The following CACNA2D4 variants were observed in gnomAD, a reference collection of about 807,000 sequenced individuals.
CACNA2D4 encodes voltage-dependent calcium channel subunit alpha-2/delta-4.
In CACNA2D4, 157 loss-of-function variants were observed where a neutral mutation model predicts 163.8. That is an observed-to-expected ratio of 0.96 (90% CI 0.84 to 1.09). The LOEUF is 1.09. Among genes scored for constraint, CACNA2D4 ranks in the 50% least tolerant of loss-of-function variants. The pLI is 0.00. For missense variants in CACNA2D4, 1,410 were observed against 1,479.9 expected, an observed-to-expected ratio of 0.95 and a Z score of 0.78; for synonymous variants, 598 against 586.9, an observed-to-expected ratio of 1.02 and a Z score of -0.27.
At position 1,830,467 on chromosome 12, in the gene CACNA2D4, G is replaced by A. The variant is rs150960926; in HGVS notation, c.2551+10272C>T. On this transcript the variant is annotated intron_variant, in intron 26 of 37. Coordinates refer to ENST00000382722, the MANE Select transcript of CACNA2D4 (RefSeq NM_172364.5). ...CCAGCAGCCTGGCCATTTTCCCTGG[G>A]AAACAAACTCTGTCCCAGCAGTGAC... 4.5e-3 allele frequency among the ~76,000 whole-genome samples: 685 copies of A among 152,308 alleles called. 3 individuals carry two copies. Among genetic ancestry groups the A allele is most frequent in the Middle Eastern group, 0.014 (4 of 294 alleles).
At chr12:1,912,964 C>T in intron 3 of CACNA2D4, 59 bp downstream of exon 3, 1 of 1,093,970 alleles carries the variant, frequency 9.1e-7, no homozygotes, top group Non-Finnish European at 1.4e-6. Context: ...GAGGGTCACT[C>T]TGCCACCTGC....
intron 10 of CACNA2D4, 46 bp from the exon 11 acceptor site, chr12:1,884,927 C>A: frequency 6.2e-7 from 1 of 1,601,368 alleles, no homozygotes; most frequent in East Asian, 2.2e-5. Flanking sequence ...CAAGCCCACC[C>A]CCCTCCACCT....
rs1214062225 is a variant in CACNA2D4, at chr12:1,875,671, C to T, written c.1720-334G>A. On this transcript the variant is annotated intron_variant, in intron 16 of 37. Coordinates refer to ENST00000382722, the MANE Select transcript of CACNA2D4 (RefSeq NM_172364.5). This position sits in a 1 kb window ranked among gnomAD's most constrained non-coding sequence, Gnocchi z 4.0. ...AAAGCTGAAATCCATCTCCCTGTTACTTCCATCCACTGATCTTCCTTCTTT... is the reference window on the plus strand; with the variant it reads ...AAAGCTGAAATCCATCTCCCTGTTATTTCCATCCACTGATCTTCCTTCTTT... 1.3e-5 allele frequency among the ~76,000 whole-genome samples: 2 copies of T among 152,202 alleles called. No individual in the cohort carries two copies. Among genetic ancestry groups the T allele is most frequent in the Non-Finnish European group, 1.5e-5 (1 of 68,022 alleles).
At chr12:1,814,390 C>A (rs1034857588) in intron 26 of CACNA2D4, among the ~76,000 whole-genome samples, 2 of 152,142 alleles carry the variant, frequency 1.3e-5, no homozygotes, top group Non-Finnish European at 2.9e-5. Flanking sequence ...GTGTCCTTTG[C>A]GAAATTTAGG....
At position 1,820,828 on chromosome 12, in the gene CACNA2D4, G is replaced by A. The variant is rs1176449392; in HGVS notation, c.2552-9105C>T. 1 of 152,368 alleles carries A rather than the reference G, an allele frequency of 6.6e-6. No homozygotes were observed. Among genetic ancestry groups the A allele is most frequent in the Non-Finnish European group, 1.5e-5 (1 of 68,130 alleles). 9.4% of individuals were successfully genotyped at this position (152,368 alleles called of 1,614,324 possible). A position where few individuals can be genotyped will look rare whatever the true frequency, so the allele number is the denominator to read the frequency against. ...GAGTAAAGACGGGTGAGTACCGAGTGGCTGGTAGGAAGGAATGGAGGGTTG... is the reference window on the plus strand; with the variant it reads ...GAGTAAAGACGGGTGAGTACCGAGTAGCTGGTAGGAAGGAATGGAGGGTTG... On this transcript the variant is annotated intron_variant, in intron 26 of 37. Transcript: ENST00000382722. The surrounding 1 kb of genome is among the most constrained non-coding windows in gnomAD (Gnocchi z 6.0).
chr12:1,800,500 CA>C, intron 31 of CACNA2D4, 62 bp from the exon 32 acceptor site: 32 of 1,481,056 alleles, frequency 2.2e-5, no homozygotes, highest in South Asian at 4.6e-5. Context: ...GCCCCCCCCC[CA>C]CCACCAGCAC....
chr12:1,905,456 C>G (rs1866636630), intron 6 of CACNA2D4, among the ~76,000 whole-genome samples: 1 of 151,944 alleles, frequency 6.6e-6, no homozygotes, highest in African/African-American at 2.4e-5. Context: ...GTAGAATGCC[C>G]TAAAGATTCC....
chr12:1,887,354 G>A (rs752569541), intron 6 of CACNA2D4, among the ~76,000 whole-genome samples: 3 of 152,266 alleles, frequency 2.0e-5, no homozygotes, highest in Non-Finnish European at 4.4e-5. Flanking sequence ...ATATCAAATA[G>A]TGGAGGGGGA....
chr12:1,835,420 A>ACAC (rs1864815317), intron 26 of CACNA2D4: 1 of 150,394 alleles, frequency 6.6e-6, no homozygotes, highest in African/African-American at 2.5e-5. Flanking sequence ...TGAAAGAATT[A>ACAC]ATACACACAC....
rs1197891618 is a variant in CACNA2D4, at chr12:1,880,284, T to C, written c.1486-403A>G. Among the ~76,000 whole-genome samples the C allele has an allele frequency of 2.6e-5, 4 of 152,222 alleles. No individual in the cohort carries two copies. The East Asian group carries it at 7.7e-4, about 29-fold the overall frequency. On this transcript the variant is annotated intron_variant, in intron 13 of 37. Coordinates refer to ENST00000382722, the MANE Select transcript of CACNA2D4 (RefSeq NM_172364.5). ...ACGAGCTTTCCAGAAACCTCTGATA[T>C]GGACTTAAGGTTGCTACAGGTGAGA...
At position 1,885,018 on chromosome 12, in the gene CACNA2D4, G is replaced by T; in HGVS notation, c.1127C>A (p.Ala376Asp). The change falls in exon 10 of 38, where the codon GCC becomes GAC. Residue 376 changes from alanine (A) to aspartate (D), a missense_variant. By Grantham distance (126) the Ala-to-Asp change is moderately radical. Coordinates refer to ENST00000382722, the MANE Select transcript of CACNA2D4 (RefSeq NM_172364.5). ...MVKGVGVVDQALREAFQILKQ... is the reference protein window; with the variant it reads ...MVKGVGVVDQDLREAFQILKQ... Reference sequence around the variant, plus strand: ...CAGGATCTGGAAGGCTTCTCTCAGGGCTTGGTCCACGACCCCCACACCTTT... The same window carrying T: ...CAGGATCTGGAAGGCTTCTCTCAGGTCTTGGTCCACGACCCCCACACCTTT... 6.2e-7 allele frequency: 1 copy of T among 1,613,880 alleles called. No homozygotes were observed. The highest frequency in any genetic ancestry group is 8.5e-7 in the Non-Finnish European group (1 of 1,179,824).
Position 1,843,316 on chromosome 12 carries a change from C to A in CACNA2D4, c.2470+1086G>T, listed in dbSNP as rs996274117. On this transcript the variant is annotated intron_variant, in intron 25 of 37. Coordinates refer to ENST00000382722, the MANE Select transcript of CACNA2D4 (RefSeq NM_172364.5). This position sits in a 1 kb window ranked among gnomAD's most constrained non-coding sequence, Gnocchi z 4.6. Reference sequence around the variant, plus strand: ...GCCTCCCCAGCCATCAGCTCCAGGACATTTTTCCATCACGACGCTTGAGGA... The same window carrying A: ...GCCTCCCCAGCCATCAGCTCCAGGAAATTTTTCCATCACGACGCTTGAGGA... Among the ~76,000 whole-genome samples the A allele has an allele frequency of 1.3e-5, 2 of 152,156 alleles. No individual in the cohort carries two copies. Among genetic ancestry groups the A allele is most frequent in the Non-Finnish European group, 2.9e-5 (2 of 68,032 alleles).
chr12:1,881,592 G>T (rs59233280), intron 13 of CACNA2D4, among the ~76,000 whole-genome samples: 1,953 of 152,322 alleles, frequency 0.013, 36 homozygotes, highest in African/African-American at 0.045. Flanking sequence ...GGAAGTGCAG[G>T]TGCCAGGGTT....
chr12:1,884,665 A>G (rs1866089855), intron 11 of CACNA2D4, 103 bp downstream of exon 11: 2 of 748,154 alleles, frequency 2.7e-6, no homozygotes, highest in East Asian at 5.4e-5. Flanking sequence ...CTAATAGGAA[A>G]GCAGATTTGA....
Position 1,908,034 on chromosome 12 carries a change from CGAACTG to C in CACNA2D4, c.487-3_489del. On this transcript the variant is annotated splice_acceptor_variant and splice_polypyrimidine_tract_variant and coding_sequence_variant and intron_variant, in exon 5 of 38. Coordinates refer to ENST00000382722, the MANE Select transcript of CACNA2D4 (RefSeq NM_172364.5). LOFTEE classifies it high-confidence loss of function. ...TTGATCAGGACCGAGTTGTAATAGTCGAACTGGGGTGGACGGGTGAGGCCCACGGAG... is the reference window on the plus strand; with the variant it reads ...TTGATCAGGACCGAGTTGTAATAGTCGGGTGGACGGGTGAGGCCCACGGAG... The C allele has an allele frequency of 6.2e-7, 1 of 1,611,202 alleles. No homozygotes were observed. Among genetic ancestry groups the C allele is most frequent in the Non-Finnish European group, 8.5e-7 (1 of 1,177,894 alleles).
intron 31 of CACNA2D4, 163 bp downstream of exon 31, chr12:1,800,880 G>A: frequency 1.5e-6 from 1 of 648,348 alleles, no homozygotes; most frequent in Non-Finnish European, 2.7e-6. Flanking sequence ...CCTGGGAGTG[G>A]GACTGAGAGC....
At position 1,840,736 on chromosome 12, in the gene CACNA2D4, T is replaced by C. The variant is rs901267419; in HGVS notation, c.2551+3A>G. The C allele has an allele frequency of 6.2e-7, 1 of 1,613,394 alleles. No homozygotes were observed. Among genetic ancestry groups the C allele is most frequent in the Admixed American group, 1.7e-5 (1 of 60,026 alleles). On this transcript the variant is annotated splice_donor_region_variant and intron_variant, in intron 26 of 37. Transcript: ENST00000382722. ...GCCTCAACACCACAAGGGCCGTTCC[T>C]ACCTGCAGCAATGGCTGTCCTCTTG... is the stretch of plus-strand genomic sequence containing the variant.
chr12:1,892,894 GA>G (rs1206434148), intron 6 of CACNA2D4, among the ~76,000 whole-genome samples: 1 of 152,164 alleles, frequency 6.6e-6, no homozygotes, highest in Non-Finnish European at 1.5e-5. Context: ...AAAATGAGAT[GA>G]AGGAGGTCAT....
intron 37 of CACNA2D4, 45 bp downstream of exon 37, chr12:1,795,254 T>TA: frequency 6.4e-7 from 1 of 1,559,946 alleles, no homozygotes; most frequent in Non-Finnish European, 8.8e-7. Context: ...ACAGAGGGTT[T>TA]GGGGATGAAA....
Sources: allele counts gnomAD v4.1 joint callset (sites outside exome capture counted in the v4.1 genomes callset), GRCh38; gene constraint gnomAD v4.1.1; non-coding constraint Gnocchi (gnomAD v3.1); transcripts MANE v1.5; gene names NCBI Gene and HGNC (gene_info 2026-07-23, HGNC 2026-07-21).